The following LIN9 variants were observed in gnomAD, a reference collection of about 807,000 sequenced individuals.
LIN9 encodes lin-9 DREAM MuvB core complex component.
LIN9 carries 18 observed loss-of-function variants against 78.0 expected under a neutral mutation model. That is an observed-to-expected ratio of 0.23 (90% CI 0.16 to 0.34). LIN9 has a LOEUF of 0.34. LIN9 is among the 10% of genes least tolerant of loss of function. The pLI is 1.00. For missense variants in LIN9, 451 were observed against 644.1 expected, an observed-to-expected ratio of 0.70 and a Z score of 3.25; for synonymous variants, 192 against 215.2, an observed-to-expected ratio of 0.89 and a Z score of 0.94.
chr1:226,262,871 T>A (rs1027997072), intron 10 of LIN9, among the ~76,000 whole-genome samples: 3 of 152,186 alleles, frequency 2.0e-5, no homozygotes, highest in Admixed American at 6.5e-5. Context: ...ATTGCCAAAA[T>A]TTGAAAGCAA....
chr1:226,307,285 C>T lies in LIN9; in HGVS notation c.31+1824G>A, dbSNP rs577425862. 1.1e-4 allele frequency among the ~76,000 whole-genome samples: 17 copies of T among 152,308 alleles called. No individual in the cohort carries two copies. The South Asian group carries it at 1.4e-3, about 13-fold the overall frequency. Reference sequence around the variant, plus strand: ...TACCAAGGATGATGAAAAACATTTTCGGATGACAAGTACACTGTGCTTAGT... The same window carrying T: ...TACCAAGGATGATGAAAAACATTTTTGGATGACAAGTACACTGTGCTTAGT... On this transcript the variant is annotated intron_variant, in intron 1 of 14. Coordinates refer to ENST00000681046, the MANE Select transcript of LIN9 (RefSeq NM_001366245.2).
At chr1:226,249,907 T>C (rs1658721493) in intron 11 of LIN9, among the ~76,000 whole-genome samples, 1 of 152,166 alleles carries the variant, frequency 6.6e-6, no homozygotes, top group Admixed American at 6.6e-5. Context: ...TGTGGCTGGC[T>C]GGGTGCTGTG....
chr1:226,284,708 A>G (rs537791309), intron 6 of LIN9, among the ~76,000 whole-genome samples: 5 of 152,332 alleles, frequency 3.3e-5, no homozygotes, highest in African/African-American at 1.2e-4. Flanking sequence ...TGGGTGACAG[A>G]GCAAGACTCT....
chr1:226,261,312 A>G (rs1659574004), intron 10 of LIN9, among the ~76,000 whole-genome samples: 1 of 152,100 alleles, frequency 6.6e-6, no homozygotes, highest in African/African-American at 2.4e-5. Context: ...AAGAGAAATT[A>G]AAGGTAGAAT....
intron 7 of LIN9, among the ~76,000 whole-genome samples, chr1:226,276,895 A>C (rs1217521814): frequency 1.3e-5 from 2 of 152,200 alleles, no homozygotes; most frequent in Non-Finnish European, 2.9e-5. Flanking sequence ...TGTTGAGCAG[A>C]CTAGTGAATA....
At chr1:226,303,153 A>G (rs1662671509) in intron 1 of LIN9, among the ~76,000 whole-genome samples, 1 of 152,238 alleles carries the variant, frequency 6.6e-6, no homozygotes, top group South Asian at 2.1e-4. Flanking sequence ...GACAATACAC[A>G]CATCTGTGTA....
chr1:226,262,813 G>A (rs1250875543), intron 10 of LIN9, among the ~76,000 whole-genome samples: 4 of 151,944 alleles, frequency 2.6e-5, no homozygotes, highest in Non-Finnish European at 4.4e-5. Context: ...GAAAACTTAC[G>A]GCCACACAAA....
At chr1:226,290,442 G>T (rs539385875) in intron 4 of LIN9, among the ~76,000 whole-genome samples, 5 of 150,732 alleles carry the variant, frequency 3.3e-5, no homozygotes, top group Non-Finnish European at 5.9e-5. Context: ...CCGGGTTCAC[G>T]CCATTCTCCT....
intron 7 of LIN9, among the ~76,000 whole-genome samples, chr1:226,273,520 T>C (rs980902124): frequency 6.6e-6 from 1 of 151,622 alleles, no homozygotes; most frequent in African/African-American, 2.4e-5. Context: ...GCTGGGATGA[T>C]AGGCATGAGC....
At chr1:226,299,383 A>G (rs144228077) in intron 2 of LIN9, among the ~76,000 whole-genome samples, 5,991 of 152,082 alleles carry the variant, frequency 0.039, 168 homozygotes, top group Non-Finnish European at 0.056. Context: ...GCATGCCTGC[A>G]GTCCCAGCTA....
chr1:226,303,759 A>C (rs1192735886), intron 1 of LIN9, among the ~76,000 whole-genome samples: 1 of 152,154 alleles, frequency 6.6e-6, no homozygotes, highest in Non-Finnish European at 1.5e-5. Flanking sequence ...GGTGCATGCC[A>C]CCATACGCAG....
intron 4 of LIN9, among the ~76,000 whole-genome samples, chr1:226,292,303 G>C (rs1351729236): frequency 6.6e-6 from 1 of 152,078 alleles, no homozygotes; most frequent in Non-Finnish European, 1.5e-5. Flanking sequence ...TGGGACTACA[G>C]GCGTGTGCAC....
chr1:226,281,620 T>C (rs561849611), intron 6 of LIN9, among the ~76,000 whole-genome samples: 1 of 152,040 alleles, frequency 6.6e-6, no homozygotes, highest in South Asian at 2.1e-4. Flanking sequence ...TTAAAAAATA[T>C]ACCAAAAAAA....
intron 4 of LIN9, among the ~76,000 whole-genome samples, chr1:226,291,266 AAAT>A (rs1408679590): frequency 1.3e-5 from 2 of 152,200 alleles, no homozygotes; most frequent in African/African-American, 2.4e-5. Context: ...GAGAATTTAT[AAAT>A]AATGATATAA....
intron 7 of LIN9, among the ~76,000 whole-genome samples, chr1:226,272,244 C>A (rs189931614): frequency 4.7e-4 from 71 of 151,774 alleles, no homozygotes; most frequent in African/African-American, 1.7e-3. Context: ...TTAGTGGAGA[C>A]GGGGTTTCAC....
chr1:226,284,037 TA>T (rs927612834), intron 6 of LIN9, among the ~76,000 whole-genome samples: 2 of 152,178 alleles, frequency 1.3e-5, no homozygotes, highest in Admixed American at 6.5e-5. Flanking sequence ...TTCTTTCATT[TA>T]AAAAAATATT....
At chr1:226,239,725 A>G (rs1278343088) in intron 11 of LIN9, among the ~76,000 whole-genome samples, 1 of 152,198 alleles carries the variant, frequency 6.6e-6, no homozygotes, top group Non-Finnish European at 1.5e-5. Context: ...CACATAGAAG[A>G]TGCTCAATGG....
At chr1:226,297,858 AG>A (rs1662254054) in intron 2 of LIN9, 45 bp from the exon 3 acceptor site, 1 of 1,082,482 alleles carries the variant, frequency 9.2e-7, no homozygotes, top group Admixed American at 2.5e-5. Flanking sequence ...CTTAGTTCAA[AG>A]GATTTCATAC....
intron 6 of LIN9, among the ~76,000 whole-genome samples, chr1:226,281,490 TATA>T (rs1166773159): frequency 6.6e-6 from 1 of 152,118 alleles, no homozygotes; most frequent in Non-Finnish European, 1.5e-5. Flanking sequence ...AGAGAAAAAT[TATA>T]ATGTTCCCAA....
Sources: allele counts gnomAD v4.1 joint callset (sites outside exome capture counted in the v4.1 genomes callset), GRCh38; gene constraint gnomAD v4.1.1; transcripts MANE v1.5; gene names NCBI Gene and HGNC (gene_info 2026-07-23, HGNC 2026-07-21).